RNF14: variants seen among roughly 807,000 people sequenced by gnomAD.
RNF14 encodes the protein ring finger protein 14.
A neutral mutation model predicts 52.6 loss-of-function variants in RNF14; 26 were observed. The ratio of observed to expected loss-of-function variants is 0.49; its 90% confidence interval spans 0.36 to 0.69. The LOEUF (loss-of-function observed/expected upper bound fraction) is 0.69. RNF14 is among the 30% of genes least tolerant of loss of function. The pLI is 0.00. For synonymous variants in RNF14, 194 were observed against 202.0 expected (o/e 0.96, Z 0.34); for missense variants, 404 against 560.4 (o/e 0.72, Z 2.82).
chr5:141,984,848 T>C lies in RNF14; in HGVS notation c.1282T>C (p.Tyr428His). 6.2e-7 allele frequency: 1 copy of C among 1,613,108 alleles called. No individual in the cohort carries two copies. Among genetic ancestry groups the C allele is most frequent in the African/African-American group, 1.3e-5 (1 of 75,040 alleles). The change falls in exon 8 of 9, where the codon TAT becomes CAT. Residue 428 changes from tyrosine to histidine, a missense_variant. Physicochemically the swap from Tyr to His is moderately conservative, Grantham distance 83 (BLOSUM62 2). Coordinates refer to ENST00000394520, the MANE Select transcript of RNF14 (RefSeq NM_004290.5). ...NKMTCTGCMQYFCWICMGSLS... is the reference protein window; with the variant it reads ...NKMTCTGCMQHFCWICMGSLS... The stretch of plus-strand genomic sequence containing the variant: ...GATGACATGTACTGGCTGTATGCAA[T>C]ATTTCTGTTGGATTTGCATGGGTTC...
At chr5:141,951,530 G>A in the RNF14 span, 17 of 1,614,190 alleles carry the variant, frequency 1.1e-5, no homozygotes, top group African/African-American at 2.7e-5. Flanking sequence ...TTATTTCCTC[G>A]GTGGTTTGGT....
chr5:141,949,937 T>TTGCCTGGC, the RNF14 span, among the ~76,000 whole-genome samples: 1 of 152,172 alleles, frequency 6.6e-6, no homozygotes, highest in East Asian at 1.9e-4. Context: ...TGTCTAGGTA[T>TTGCCTGGC]TGCCTGGCAC....
upstream of RNF14, chr5:141,956,710 A>G (rs1273064094): frequency 1.2e-6 from 2 of 1,614,246 alleles, no homozygotes; most frequent in Middle Eastern, 1.6e-4. Flanking sequence ...TCCTGAATCC[A>G]AGTCATCTGC....
In RNF14 at chr5:141,978,410, G is replaced by C. The variant is rs773303212; in HGVS notation, c.414G>C (p.Leu138Phe). The C allele has an allele frequency of 1.9e-6, 3 of 1,614,174 alleles. No homozygotes were observed. In the East Asian group the frequency reaches 6.7e-5, roughly 36 times the overall value. ...TTAAGGAAGAGACCCTAGCATACTT[G>C]AATATTGTCTCTCCTTTTGAGCTCA... is the stretch of plus-strand genomic sequence containing the variant. ...QFLKEETLAYLNIVSPFELKI... is the reference protein window; with the variant it reads ...QFLKEETLAYFNIVSPFELKI... Residue 138 changes from leucine (L) to phenylalanine (F), a missense_variant, in exon 5 of 9, where the codon TTG becomes TTC. Physicochemically the swap from Leu to Phe is conservative, Grantham distance 22. Transcript: ENST00000394520.
At chr5:141,976,301 G>A (rs1266532760) in intron 4 of RNF14, among the ~76,000 whole-genome samples, 1 of 152,062 alleles carries the variant, frequency 6.6e-6, no homozygotes, top group African/African-American at 2.4e-5. Context: ...TTACATCCAC[G>A]CATGTGCGTG....
intron 1 of RNF14, 29 bp from the exon 2 acceptor site, chr5:141,970,675 A>C (rs1561543478): frequency 6.6e-6 from 1 of 152,348 alleles, no homozygotes. Context: ...GAGGGTCCTA[A>C]CACCATCTTT....
chr5:141,957,428 G>C, upstream of RNF14: 1 of 1,612,664 alleles, frequency 6.2e-7, no homozygotes, highest in Non-Finnish European at 8.5e-7. The surrounding 1 kb of genome is among the most constrained non-coding windows in gnomAD (Gnocchi z 4.3). Context: ...GAGATTTCCA[G>C]CTCCTGCTCG....
intron 4 of RNF14, among the ~76,000 whole-genome samples, chr5:141,975,746 G>A (rs368298606): frequency 1.4e-4 from 21 of 152,000 alleles, no homozygotes; most frequent in Admixed American, 5.2e-4. Context: ...GCAACATGGC[G>A]AAACCCAATT....
chr5:141,955,575 G>A (rs961038473), upstream of RNF14: 5 of 1,614,066 alleles, frequency 3.1e-6, no homozygotes, highest in African/African-American at 2.7e-5. This position sits in a 1 kb window ranked among gnomAD's most constrained non-coding sequence, Gnocchi z 5.5. Flanking sequence ...GCTGCTGGCG[G>A]TAGGTGGACT....
At chr5:141,977,684 C>A (rs1754389048) in intron 4 of RNF14, among the ~76,000 whole-genome samples, 1 of 152,200 alleles carries the variant, frequency 6.6e-6, no homozygotes. Flanking sequence ...CAGCTTCCCT[C>A]CATTAACCAG....
At chr5:141,973,136 T>TA (rs1753934773) in intron 2 of RNF14, among the ~76,000 whole-genome samples, 2 of 152,260 alleles carry the variant, frequency 1.3e-5, no homozygotes, top group African/African-American at 4.8e-5. Context: ...GAATGCCAGA[T>TA]ATGGCTGTCA....
At chr5:141,956,065 T>C (rs200165903), upstream of RNF14, 25 of 1,614,050 alleles carry the variant, frequency 1.5e-5, no homozygotes, top group East Asian at 2.2e-5. Context: ...GCCCAAGCCA[T>C]TGGGAGTCTC....
At chr5:141,954,701 C>T (rs1022805621), upstream of RNF14, among the ~76,000 whole-genome samples, 1 of 152,188 alleles carries the variant, frequency 6.6e-6, no homozygotes, top group Non-Finnish European at 1.5e-5. Flanking sequence ...ATCCTCTGGA[C>T]AACTCTACAA....
Position 141,983,533 on chromosome 5 carries a change from G to A in RNF14, c.1217G>A (p.Cys406Tyr), listed in dbSNP as rs1457905235. 2.5e-6 allele frequency: 4 copies of A among 1,611,352 alleles called. No homozygotes were observed. The highest frequency in any genetic ancestry group is 3.4e-5 in the Admixed American group (2 of 59,696). The change falls in exon 7 of 9, where the codon TGT (cysteine) becomes TAT (tyrosine). Residue 406 changes from cysteine (C) to tyrosine (Y), a missense_variant. Transcript: ENST00000394520. ...WLEKNSKSCP[C>Y]CGTPIEKLDG... is the part of the protein sequence containing the mutation. Reference sequence around the variant, plus strand: ...GAGAAGAACTCAAAGAGCTGCCCATGTTGTGGAACTCCCATAGAGGTAAAT... The same window carrying A: ...GAGAAGAACTCAAAGAGCTGCCCATATTGTGGAACTCCCATAGAGGTAAAT...
chr5:141,957,241 C>G (rs1431868377), upstream of RNF14: 3 of 1,614,026 alleles, frequency 1.9e-6, no homozygotes, highest in African/African-American at 2.7e-5. The surrounding 1 kb of genome is among the most constrained non-coding windows in gnomAD (Gnocchi z 4.3). Context: ...ATGGATTTCC[C>G]TGTCCAGCTC....
Position 141,973,605 on chromosome 5 carries a change from G to A in RNF14, c.17G>A (p.Arg6Gln), listed in dbSNP as rs370877884. The A allele has an allele frequency of 4.4e-6, 7 of 1,609,006 alleles. No homozygotes were observed. Among genetic ancestry groups the A allele is most frequent in the East Asian group, 2.2e-5 (1 of 44,800 alleles). ...CAGGTCCTTATGTCGTCAGAAGATC[G>A]AGAAGCTCAGGAGGATGAATTGCTG... MSSED[R>Q]EAQEDELLAL... is the part of the protein sequence containing the mutation. Residue 6 changes from arginine (R) to glutamine (Q), a missense_variant, in exon 3 of 9, where the codon CGA becomes CAA. Physicochemically the swap from Arg to Gln is conservative, Grantham distance 43 (BLOSUM62 1). Transcript: ENST00000394520.
chr5:141,975,077 A>ATTT (rs576827660), intron 4 of RNF14, 122 bp downstream of exon 4: 1 of 1,067,362 alleles, frequency 9.4e-7, no homozygotes, highest in Non-Finnish European at 1.4e-6. Context: ...TGGTTTTGTA[A>ATTT]TTTTTTTCCC....
chr5:141,986,900 A>C (rs189725621), intron 8 of RNF14, among the ~76,000 whole-genome samples: 118 of 152,360 alleles, frequency 7.7e-4, no homozygotes, highest in Non-Finnish European at 1.4e-3. Flanking sequence ...ACCCATGTTC[A>C]AAAAATGGTG....
chr5:141,968,353 C>A (rs1240792155), upstream of RNF14, among the ~76,000 whole-genome samples: 3 of 152,176 alleles, frequency 2.0e-5, no homozygotes, highest in African/African-American at 7.2e-5. Context: ...GATCCACCCG[C>A]CTCGGCTTCC....
Sources: allele counts gnomAD v4.1 joint callset (sites outside exome capture counted in the v4.1 genomes callset), GRCh38; gene constraint gnomAD v4.1.1; non-coding constraint Gnocchi (gnomAD v3.1); transcripts MANE v1.5; gene names NCBI Gene and HGNC (gene_info 2026-07-23, HGNC 2026-07-21).